Variants in LRRC4C observed in about 807,000 individuals in gnomAD.
LRRC4C encodes leucine rich repeat containing 4C.
LRRC4C carries 5 observed loss-of-function variants against 33.6 expected under a neutral mutation model. The ratio of observed to expected loss-of-function variants is 0.15; its 90% CI spans 0.08 to 0.31. The LOEUF (loss-of-function observed/expected upper bound fraction) is 0.31. Ranked by LOEUF, LRRC4C falls within the 10% of genes least tolerant of loss-of-function variation. LRRC4C has a pLI of 1.00. For synonymous variants in LRRC4C, 329 were observed against 302.0 expected, an observed-to-expected ratio of 1.09 and a Z score of -0.93; for missense variants, 560 against 796.7, an observed-to-expected ratio of 0.70 and a Z score of 3.58.
intron 4 of LRRC4C, among the ~76,000 whole-genome samples, chr11:40,247,826 A>T (rs1463919756): frequency 2.0e-5 from 3 of 152,210 alleles, no homozygotes; most frequent in African/African-American, 4.8e-5. Flanking sequence ...AAGAATTAGC[A>T]GTCATTTGTA....
At chr11:41,242,231 C>T (rs1277334654) in intron 1 of LRRC4C, among the ~76,000 whole-genome samples, 3 of 151,958 alleles carry the variant, frequency 2.0e-5, no homozygotes, top group African/African-American at 7.3e-5. Flanking sequence ...TATAGCCAAA[C>T]CTATAACCTT....
rs144776839 is a variant in LRRC4C, at chr11:41,334,230, G to T, written c.-496+125201C>A. On this transcript the variant is annotated intron_variant, in intron 1 of 6. Transcript: ENST00000528697. ...TTCTGTGTTACAAAACTTGCAGTTG[G>T]CTGGCTTTGCAGAAAGGTTTGTACC... Among the ~76,000 whole-genome samples, 52 of 152,286 alleles carry T rather than the reference G, an allele frequency of 3.4e-4. No homozygotes were observed. The East Asian group carries it at 9.1e-3, about 27-fold the overall frequency.
chr11:40,631,231 G>A (rs1407660564), intron 3 of LRRC4C, among the ~76,000 whole-genome samples: 1 of 152,100 alleles, frequency 6.6e-6, no homozygotes, highest in Non-Finnish European at 1.5e-5. Flanking sequence ...TAAAAATGGG[G>A]ATGAAGCTGA....
chr11:40,571,994 C>T (rs1283798598), intron 3 of LRRC4C, among the ~76,000 whole-genome samples: 2 of 152,098 alleles, frequency 1.3e-5, no homozygotes, highest in Non-Finnish European at 2.9e-5. Flanking sequence ...TAACTCCTTC[C>T]AAAGAATATT....
At chr11:41,004,612 C>T (rs191039773) in intron 1 of LRRC4C, among the ~76,000 whole-genome samples, 2 of 152,248 alleles carry the variant, frequency 1.3e-5, no homozygotes, top group East Asian at 3.9e-4. Context: ...ATGCTTTATT[C>T]AATTTCACAT....
chr11:40,136,377 C>T (rs909421092), intron 6 of LRRC4C, among the ~76,000 whole-genome samples: 10 of 151,994 alleles, frequency 6.6e-5, no homozygotes, highest in Non-Finnish European at 2.9e-5. Context: ...CGCCATTCTC[C>T]TGCCTCAGCC....
chr11:40,787,608 C>T (rs978852093), intron 2 of LRRC4C, among the ~76,000 whole-genome samples: 1 of 152,176 alleles, frequency 6.6e-6, no homozygotes, highest in Admixed American at 6.5e-5. Flanking sequence ...TATTGTCATA[C>T]TGTCATATCA....
intron 2 of LRRC4C, among the ~76,000 whole-genome samples, chr11:40,757,648 C>G (rs1405403811): frequency 1.4e-5 from 2 of 144,914 alleles, no homozygotes; most frequent in Non-Finnish European, 3.0e-5. Flanking sequence ...TTGTCTTCTG[C>G]TAGAAGTTTC....
intron 3 of LRRC4C, among the ~76,000 whole-genome samples, chr11:40,582,922 T>C (rs1958540962): frequency 6.6e-6 from 1 of 152,194 alleles, no homozygotes; most frequent in African/African-American, 2.4e-5. Flanking sequence ...TCAGGGTATT[T>C]AGAATACTAC....
chr11:40,227,362 T>TGAC (rs747404956), intron 5 of LRRC4C, among the ~76,000 whole-genome samples: 1 of 152,250 alleles, frequency 6.6e-6, no homozygotes, highest in Non-Finnish European at 1.5e-5. Context: ...GTTATGATGA[T>TGAC]GACAGTTTTT....
intron 3 of LRRC4C, among the ~76,000 whole-genome samples, chr11:40,373,598 G>T (rs1255075711): frequency 1.3e-5 from 2 of 152,116 alleles, no homozygotes; most frequent in Admixed American, 1.3e-4. Flanking sequence ...ATTTCATATT[G>T]CAATGTAACT....
intron 2 of LRRC4C, among the ~76,000 whole-genome samples, chr11:40,843,530 T>C (rs1953012213): frequency 6.6e-6 from 1 of 152,202 alleles, no homozygotes; most frequent in Non-Finnish European, 1.5e-5. Flanking sequence ...CTCTCTCTGA[T>C]GAAATACGAT....
At chr11:40,563,363 G>A (rs775770194) in intron 3 of LRRC4C, among the ~76,000 whole-genome samples, 6 of 152,068 alleles carry the variant, frequency 3.9e-5, no homozygotes, top group Admixed American at 6.6e-5. Context: ...GGAAAAGCCT[G>A]GTGGAGATGA....
At chr11:41,257,968 G>T (rs1313361420) in intron 1 of LRRC4C, among the ~76,000 whole-genome samples, 1 of 151,784 alleles carries the variant, frequency 6.6e-6, no homozygotes, top group East Asian at 1.9e-4. Flanking sequence ...GTGTTTGCGT[G>T]CTTAAATTTT....
At chr11:40,374,538 A>C (rs1948585333) in intron 3 of LRRC4C, among the ~76,000 whole-genome samples, 1 of 152,204 alleles carries the variant, frequency 6.6e-6, no homozygotes, top group African/African-American at 2.4e-5. Context: ...CAGTGTTAGC[A>C]AAAATAAAAC....
At position 40,543,190 on chromosome 11, in the gene LRRC4C, A is replaced by AT. The variant is rs5791384; in HGVS notation, c.-270+104951dup. Among the ~76,000 whole-genome samples, 1,434 of 150,200 alleles carry AT rather than the reference A, an allele frequency of 9.5e-3. 63 individuals are homozygous for AT. The highest frequency in any genetic ancestry group is 0.086 in the Admixed American group (1,292 of 15,024). On this transcript the variant is annotated intron_variant, in intron 3 of 6. Transcript: ENST00000528697. Reference sequence around the variant, plus strand: ...TACTCTCTATAAATCTTGTCCCATTATTTTTTTTTTCCAGAAAAACTGAAA... The same window carrying AT: ...TACTCTCTATAAATCTTGTCCCATTATTTTTTTTTTTCCAGAAAAACTGAAA...
intron 1 of LRRC4C, among the ~76,000 whole-genome samples, chr11:41,191,040 C>G (rs1056964940): frequency 3.3e-5 from 5 of 152,148 alleles, no homozygotes; most frequent in Non-Finnish European, 5.9e-5. Flanking sequence ...TTTAACCCCT[C>G]CCTGGCCTCT....
intron 2 of LRRC4C, among the ~76,000 whole-genome samples, chr11:40,719,034 C>A (rs192992529): frequency 2.0e-5 from 3 of 152,164 alleles, no homozygotes; most frequent in Non-Finnish European, 4.4e-5. Flanking sequence ...TCTCTTTTGA[C>A]GGCCCTTGCT....
chr11:40,872,454 C>T (rs1954699658), intron 2 of LRRC4C, among the ~76,000 whole-genome samples: 1 of 152,034 alleles, frequency 6.6e-6, no homozygotes, highest in Non-Finnish European at 1.5e-5. Context: ...CCCATTATTT[C>T]CATTATTTTC....
Sources: gnomAD v4.1 joint callset for allele counts (sites outside exome capture counted in the v4.1 genomes callset) on GRCh38, gnomAD v4.1.1 for gene constraint, MANE v1.5 for transcripts, NCBI Gene and HGNC (gene_info 2026-07-23, HGNC 2026-07-21) for gene names.